The following PLEKHH2 variants were observed in gnomAD, a reference collection of about 807,000 sequenced individuals.
PLEKHH2 encodes pleckstrin homology, MyTH4 and FERM domain containing H2.
In PLEKHH2, 129 loss-of-function variants were observed where a neutral mutation model predicts 187.9. The ratio of observed to expected loss-of-function variants is 0.69; its 90% CI spans 0.59 to 0.79. The LOEUF is 0.79. Ranked by LOEUF, PLEKHH2 falls within the 30% of genes least tolerant of loss-of-function variation. PLEKHH2 has a pLI of 0.00. For synonymous variants in PLEKHH2, 686 were observed against 605.6 expected (o/e 1.13, Z -1.95); for missense variants, 2,076 against 1,751.2 (o/e 1.19, Z -3.31).
chr2:43,651,350 A>T (rs1018154588), intron 2 of PLEKHH2, among the ~76,000 whole-genome samples: 19 of 152,186 alleles, frequency 1.2e-4, no homozygotes, highest in African/African-American at 4.3e-4. Context: ...TATAGGCGTG[A>T]GCCACCGCGC....
At position 43,709,991 on chromosome 2, in the gene PLEKHH2, T is replaced by C. The variant is rs750860790; in HGVS notation, c.1968T>C (p.Gly656=). 1.9e-6 allele frequency: 3 copies of C among 1,605,702 alleles called. No individual in the cohort carries two copies. Among genetic ancestry groups the C allele is most frequent in the East Asian group, 4.5e-5 (2 of 44,834 alleles). ...GPGSPRAMKR[G]VSLSSVASES... ...TGATTTCTTTCTTTGTTCTCTTAGGTGTGTCTCTCTCCTCTGTGGCTTCTG... is the reference window on the plus strand; with the variant it reads ...TGATTTCTTTCTTTGTTCTCTTAGGCGTGTCTCTCTCCTCTGTGGCTTCTG... Residue 656 remains glycine, a splice_region_variant and synonymous_variant, in exon 12 of 30, where the codon GGT becomes GGC. Transcript: ENST00000282406.
chr2:43,702,178 T>A (rs964286398), intron 8 of PLEKHH2, among the ~76,000 whole-genome samples: 1 of 152,230 alleles, frequency 6.6e-6, no homozygotes, highest in Non-Finnish European at 1.5e-5. Context: ...GTTTTTGGAG[T>A]CATGTTCTTT....
chr2:43,670,714 G>A (rs76211726), intron 2 of PLEKHH2, among the ~76,000 whole-genome samples: 26 of 152,122 alleles, frequency 1.7e-4, no homozygotes, highest in East Asian at 1.2e-3. Context: ...GTGCAGAAAG[G>A]CCTGCTAGGA....
At chr2:43,730,558 C>T (rs1465464488) in intron 18 of PLEKHH2, among the ~76,000 whole-genome samples, 5 of 152,052 alleles carry the variant, frequency 3.3e-5, no homozygotes, top group African/African-American at 1.2e-4. Flanking sequence ...ACCACCATGC[C>T]CGACTAATTT....
intron 8 of PLEKHH2, among the ~76,000 whole-genome samples, chr2:43,701,685 A>T (rs752354131): frequency 4.6e-5 from 7 of 151,418 alleles, no homozygotes; most frequent in Non-Finnish European, 1.0e-4. Context: ...ATTGACCATT[A>T]GTAGGATAAC....
chr2:43,701,581 T>G (rs1183329772), intron 8 of PLEKHH2, among the ~76,000 whole-genome samples: 1 of 151,970 alleles, frequency 6.6e-6, no homozygotes, highest in Non-Finnish European at 1.5e-5. Flanking sequence ...GGCTTTAAGA[T>G]AAATTTAATT....
intron 6 of PLEKHH2, among the ~76,000 whole-genome samples, chr2:43,696,592 T>C (rs1669102415): frequency 6.6e-6 from 1 of 152,198 alleles, no homozygotes; most frequent in Non-Finnish European, 1.5e-5. Flanking sequence ...CTCTTTTTTT[T>C]TCTCTTTAAA....
At chr2:43,655,837 T>G (rs916327901) in intron 2 of PLEKHH2, among the ~76,000 whole-genome samples, 2 of 152,202 alleles carry the variant, frequency 1.3e-5, no homozygotes, top group Non-Finnish European at 2.9e-5. Flanking sequence ...TTTGTAATAT[T>G]AGATGCATTT....
At chr2:43,653,839 C>T (rs1261404255) in intron 2 of PLEKHH2, among the ~76,000 whole-genome samples, 1 of 152,020 alleles carries the variant, frequency 6.6e-6, no homozygotes, top group African/African-American at 2.4e-5. Context: ...AAAAAAAAGA[C>T]AGGAAAGGAA....
chr2:43,759,166 A>G, intron 27 of PLEKHH2, 137 bp downstream of exon 27: 2 of 1,314,212 alleles, frequency 1.5e-6, no homozygotes, highest in Non-Finnish European at 1.0e-6. Context: ...CAATGAAGAG[A>G]CACTAGAGAA....
chr2:43,711,021 T>C (rs1363531121), intron 14 of PLEKHH2: 1 of 995,454 alleles, frequency 1.0e-6, no homozygotes, highest in East Asian at 1.1e-4. Context: ...GTGGGAAATA[T>C]ATTGGTGAGC....
intron 1 of PLEKHH2, among the ~76,000 whole-genome samples, chr2:43,641,713 G>T (rs909159298): frequency 2.0e-5 from 3 of 152,068 alleles, no homozygotes; most frequent in Non-Finnish European, 2.9e-5. Flanking sequence ...TTTACATATG[G>T]ATATCCAGTT....
At chr2:43,739,954 T>G (rs755267410) in intron 20 of PLEKHH2, among the ~76,000 whole-genome samples, 33 of 152,310 alleles carry the variant, frequency 2.2e-4, no homozygotes, top group Non-Finnish European at 1.0e-4. Flanking sequence ...AGTTAATACG[T>G]GGTATTACCA....
intron 3 of PLEKHH2, among the ~76,000 whole-genome samples, chr2:43,683,634 G>A (rs1668351100): frequency 6.6e-6 from 1 of 151,916 alleles, no homozygotes; most frequent in Admixed American, 6.6e-5. Flanking sequence ...CCTATGATGT[G>A]ATTTAACAAG....
intron 15 of PLEKHH2, among the ~76,000 whole-genome samples, chr2:43,715,807 C>G (rs1460183153): frequency 2.6e-5 from 4 of 152,078 alleles, no homozygotes; most frequent in Admixed American, 1.3e-4. Context: ...CAGCAGGCAG[C>G]AGACCACCAG....
chr2:43,751,641 G>A (rs1672013742), intron 24 of PLEKHH2, among the ~76,000 whole-genome samples: 1 of 152,192 alleles, frequency 6.6e-6, no homozygotes, highest in Non-Finnish European at 1.5e-5. Context: ...ACCCCCGCGA[G>A]CTAATCTAAG....
At chr2:43,666,248 C>G (rs568490389) in intron 2 of PLEKHH2, among the ~76,000 whole-genome samples, 2 of 151,064 alleles carry the variant, frequency 1.3e-5, no homozygotes, top group South Asian at 2.1e-4. Context: ...CAGGTGCATC[C>G]GTCACCCCTT....
chr2:43,724,856 CT>C (rs780760570), intron 16 of PLEKHH2, among the ~76,000 whole-genome samples: 2 of 152,120 alleles, frequency 1.3e-5, no homozygotes, highest in Non-Finnish European at 2.9e-5. Flanking sequence ...AGTTGCTTAA[CT>C]AAATAATGGG....
intron 2 of PLEKHH2, chr2:43,676,024 A>G: frequency 6.2e-7 from 1 of 1,614,000 alleles, no homozygotes; most frequent in Non-Finnish European, 8.5e-7. Flanking sequence ...AGTATCGTAG[A>G]GCTCTGCTTT....
Sources: allele counts gnomAD v4.1 joint callset (sites outside exome capture counted in the v4.1 genomes callset), GRCh38; gene constraint gnomAD v4.1.1; transcripts MANE v1.5; gene names NCBI Gene and HGNC (gene_info 2026-07-23, HGNC 2026-07-21).